Variants in PDLIM5 observed in about 807,000 individuals in gnomAD.
PDLIM5 encodes the protein PDZ and LIM domain protein 5.
A neutral mutation model predicts 64.2 loss-of-function variants in PDLIM5; 34 were observed. The ratio of observed to expected loss-of-function variants is 0.53; its 90% CI spans 0.40 to 0.71. The LOEUF is 0.71. Among genes scored for constraint, PDLIM5 ranks in the 30% least tolerant of loss-of-function variants. The pLI, the probability that PDLIM5 is intolerant of heterozygous loss-of-function variation, is 0.00. For synonymous variants in PDLIM5, 253 were observed against 269.1 expected (o/e 0.94, Z 0.59); for missense variants, 683 against 733.6 (o/e 0.93, Z 0.80).
chr4:94,452,376 G>A (rs1164737467), intron 1 of PDLIM5, among the ~76,000 whole-genome samples: 1 of 152,178 alleles, frequency 6.6e-6, no homozygotes, highest in African/African-American at 2.4e-5. Flanking sequence ...GCGTCGCCCG[G>A]CACCACCGTG....
rs1329032366 is a variant in PDLIM5, at chr4:94,654,530, A to G, written c.1354A>G (p.Thr452Ala). The change falls in exon 10 of 13, where the codon ACA becomes GCA. Residue 452 changes from threonine to alanine, a missense_variant. Physicochemically the swap from Thr to Ala is moderately conservative, Grantham distance 58. Transcript: ENST00000317968. ...ATTCAACTGCGCTCACTGCAAAAAT[A>G]CAATGGCCTACATTGGATTTGTAGA... ...EEFNCAHCKN[T>A]MAYIGFVEEK... 6.2e-7 allele frequency: 1 copy of G among 1,610,178 alleles called. No individual in the cohort carries two copies. The highest frequency in any genetic ancestry group is 1.7e-5 in the Admixed American group (1 of 60,010).
In PDLIM5 at chr4:94,652,655, T is replaced by A. The variant is rs560566828; in HGVS notation, c.1284-1805T>A. ...TACAGAATAGGTGATCTGTAGCCTT[T>A]CTTTTCTGGCAGGAATTAGTAAACA... On this transcript the variant is annotated intron_variant, in intron 9 of 12. Transcript: ENST00000317968. Among the ~76,000 whole-genome samples, 10 of 152,292 alleles carry A rather than the reference T, an allele frequency of 6.6e-5. No individual in the cohort carries two copies. The East Asian group carries it at 1.9e-3, about 29-fold the overall frequency.
intron 2 of PDLIM5, among the ~76,000 whole-genome samples, chr4:94,476,592 A>C (rs944440496): frequency 1.3e-5 from 2 of 152,166 alleles, no homozygotes; most frequent in African/African-American, 4.8e-5. Flanking sequence ...TACACCTTGG[A>C]TCTTCCTCCA....
intron 2 of PDLIM5, among the ~76,000 whole-genome samples, chr4:94,467,586 A>G (rs975497198): frequency 1.4e-4 from 21 of 152,276 alleles, no homozygotes; most frequent in African/African-American, 5.1e-4. Context: ...TGCTGGGATT[A>G]CAGACATGAG....
intron 2 of PDLIM5, among the ~76,000 whole-genome samples, chr4:94,518,404 G>A (rs1326881128): frequency 6.6e-6 from 1 of 152,116 alleles, no homozygotes; most frequent in East Asian, 1.9e-4. Context: ...TTGTCTAAGT[G>A]TTCTGCTGTC....
At chr4:94,455,591 C>T (rs1408001436) in intron 2 of PDLIM5, 2 of 634,920 alleles carry the variant, frequency 3.1e-6, no homozygotes, top group African/African-American at 3.7e-5. Flanking sequence ...TTTTCGTTTT[C>T]CCCCATGTTA....
intron 8 of PDLIM5, among the ~76,000 whole-genome samples, chr4:94,636,560 A>G (rs200416437): frequency 4.5e-5 from 6 of 132,492 alleles, no homozygotes; most frequent in East Asian, 5.5e-4. Flanking sequence ...TTTTTTTGAG[A>G]TGGAGTCTTG....
intron 8 of PDLIM5, among the ~76,000 whole-genome samples, chr4:94,625,504 G>A (rs1019431095): frequency 6.6e-6 from 1 of 150,762 alleles, no homozygotes; most frequent in Non-Finnish European, 1.5e-5. Flanking sequence ...CCAGGCTGGA[G>A]TGCAGTGGCG....
At position 94,664,606 on chromosome 4, in the gene PDLIM5, A is replaced by T. The variant is rs1742978516; in HGVS notation, c.*539A>T. 2 of 698,318 alleles carry T rather than the reference A, an allele frequency of 2.9e-6. No homozygotes were observed. The highest frequency in any genetic ancestry group is 1.3e-4 in the South Asian group (2 of 15,898). 43.3% of individuals were successfully genotyped at this position (698,318 alleles called of 1,614,324 possible). A position where few individuals can be genotyped will look rare whatever the true frequency, so the allele number is the denominator to read the frequency against. On this transcript the variant is annotated 3_prime_UTR_variant, in exon 13 of 13. Transcript: ENST00000317968. Reference sequence around the variant, plus strand: ...GCTTGTAGGCTGAGCGCGGTGGCTCACGCCTGTAATCCCAGCACTTTGGGA... The same window carrying T: ...GCTTGTAGGCTGAGCGCGGTGGCTCTCGCCTGTAATCCCAGCACTTTGGGA...
intron 8 of PDLIM5, among the ~76,000 whole-genome samples, chr4:94,620,069 C>A (rs1454222211): frequency 2.0e-5 from 3 of 152,186 alleles, no homozygotes; most frequent in Non-Finnish European, 4.4e-5. Context: ...TCCTGCTTCA[C>A]CCAATTTATA....
chr4:94,632,385 C>T (rs1473765662), intron 8 of PDLIM5, among the ~76,000 whole-genome samples: 1 of 152,086 alleles, frequency 6.6e-6, no homozygotes, highest in Non-Finnish European at 1.5e-5. Flanking sequence ...AAAGATGAAA[C>T]AATTCAGTTA....
intron 11 of PDLIM5, among the ~76,000 whole-genome samples, chr4:94,659,334 C>G (rs1039264034): frequency 5.3e-5 from 8 of 152,138 alleles, no homozygotes; most frequent in African/African-American, 1.9e-4. Context: ...ATTTATTTCT[C>G]TCCATCTCCA....
rs372735372 is a variant in PDLIM5, at chr4:94,640,305, G to T, written c.1138G>T (p.Ala380Ser). Residue 380 changes from alanine (A) to serine (S), a missense_variant, in exon 9 of 13, where the codon GCT becomes TCT. Coordinates refer to ENST00000317968, the MANE Select transcript of PDLIM5 (RefSeq NM_006457.5). The part of the protein sequence containing the change: ...VPSTGRISNS[A>S]TYSGSVAPAN... ...TTCCACTGGAAGAATCTCAAACAGCGCTACTTACTCAGGATCAGTGGCACC... is the reference window on the plus strand; with the variant it reads ...TTCCACTGGAAGAATCTCAAACAGCTCTACTTACTCAGGATCAGTGGCACC... 6.2e-7 allele frequency: 1 copy of T among 1,610,586 alleles called. No homozygotes were observed. Among genetic ancestry groups the T allele is most frequent in the East Asian group, 2.2e-5 (1 of 44,818 alleles).
At chr4:94,510,261 A>G (rs1247985346) in intron 2 of PDLIM5, among the ~76,000 whole-genome samples, 4 of 152,172 alleles carry the variant, frequency 2.6e-5, no homozygotes, top group South Asian at 2.1e-4. Context: ...TTGGGTTTCT[A>G]TTGGTGATGT....
intron 5 of PDLIM5, among the ~76,000 whole-genome samples, chr4:94,580,747 T>G (rs2110298497): frequency 6.6e-6 from 1 of 152,238 alleles, no homozygotes; most frequent in East Asian, 1.9e-4. Flanking sequence ...TCACACATCT[T>G]ATAATTAATA....
rs545618659 is a variant in PDLIM5 at position 94,636,035 on chromosome 4, G to A, written c.1109-4241G>A. Among the ~76,000 whole-genome samples the A allele has an allele frequency of 7.9e-5, 12 of 152,260 alleles. No individual in the cohort carries two copies. In the South Asian group the frequency reaches 2.3e-3, roughly 29 times the overall value. ...CTTTTCTTCCCAAGAAAGGAATAGC[G>A]GTAGAACTTAGAGCCTTTTTATGTG... On this transcript the variant is annotated intron_variant, in intron 8 of 12. Coordinates refer to ENST00000317968, the MANE Select transcript of PDLIM5 (RefSeq NM_006457.5).
chr4:94,534,328 A>T (rs556238357), intron 3 of PDLIM5, among the ~76,000 whole-genome samples: 5 of 152,350 alleles, frequency 3.3e-5, no homozygotes, highest in African/African-American at 4.8e-5. Flanking sequence ...TGATACTTTT[A>T]GAATAAATTT....
intron 2 of PDLIM5, among the ~76,000 whole-genome samples, chr4:94,469,407 G>T (rs982321616): frequency 1.3e-5 from 2 of 152,140 alleles, no homozygotes; most frequent in Admixed American, 1.3e-4. Context: ...AACTAATCAC[G>T]TGAAGAGCTG....
chr4:94,472,498 T>G (rs1724970606), intron 2 of PDLIM5, among the ~76,000 whole-genome samples: 1 of 152,172 alleles, frequency 6.6e-6, no homozygotes, highest in Non-Finnish European at 1.5e-5. Flanking sequence ...GAAGGATGAA[T>G]TCACAAGACA....
Sources: allele counts gnomAD v4.1 joint callset (sites outside exome capture counted in the v4.1 genomes callset), GRCh38; gene constraint gnomAD v4.1.1; transcripts MANE v1.5; gene names NCBI Gene and HGNC (gene_info 2026-07-23, HGNC 2026-07-21).